The following OR9Q1 variants were observed in gnomAD, a reference collection of about 807,000 sequenced individuals.
The protein encoded by OR9Q1 is olfactory receptor 9Q1.
For missense variants in OR9Q1, 374 were observed against 378.8 expected (o/e 0.99, Z 0.11); for synonymous variants, 153 against 148.6 (o/e 1.03, Z -0.22).
intron 2 of OR9Q1, among the ~76,000 whole-genome samples, chr11:58,116,569 C>T (rs1038606729): frequency 7.9e-5 from 12 of 152,304 alleles, no homozygotes; most frequent in African/African-American, 2.9e-4. Flanking sequence ...TGATAAAATT[C>T]TTACGAGAAT....
intron 2 of OR9Q1, chr11:58,119,545 T>C (rs1854004546): frequency 2.6e-6 from 2 of 767,356 alleles, no homozygotes; most frequent in Non-Finnish European, 2.1e-6. Context: ...GTTTTGGTTT[T>C]AATTCTGGGT....
chr11:58,053,369 G>A (rs1340461816), intron 1 of OR9Q1, among the ~76,000 whole-genome samples: 8 of 144,962 alleles, frequency 5.5e-5, no homozygotes, highest in Admixed American at 2.2e-4. Flanking sequence ...AACACCACAT[G>A]TTCTCACTCA....
At chr11:58,169,348 A>G (rs1210012016) in intron 2 of OR9Q1, among the ~76,000 whole-genome samples, 1 of 152,122 alleles carries the variant, frequency 6.6e-6, no homozygotes, top group African/African-American at 2.4e-5. Context: ...AAGCTCAAAT[A>G]AATTTCCTCC....
At chr11:58,027,521 G>C (rs1366833322) in intron 1 of OR9Q1, among the ~76,000 whole-genome samples, 3 of 152,154 alleles carry the variant, frequency 2.0e-5, no homozygotes, top group Non-Finnish European at 2.9e-5. Flanking sequence ...GGCGGAAACT[G>C]CCTGTGGCTC....
chr11:58,131,669 T>TA (rs1215015138), intron 2 of OR9Q1, among the ~76,000 whole-genome samples: 1 of 152,122 alleles, frequency 6.6e-6, no homozygotes, highest in African/African-American at 2.4e-5. Context: ...TCACCAGCGT[T>TA]ACGGCAAGAT....
chr11:58,051,914 A>T (rs1853271563), intron 1 of OR9Q1, among the ~76,000 whole-genome samples: 2 of 540 alleles, frequency 3.7e-3, no homozygotes, highest in African/African-American at 3.9e-3. Context: ...ATCTCACACC[A>T]GTTAGAATGG....
chr11:58,120,566 T>C (rs1398832633), intron 2 of OR9Q1, among the ~76,000 whole-genome samples: 13 of 152,040 alleles, frequency 8.6e-5, no homozygotes, highest in Non-Finnish European at 1.5e-5. Flanking sequence ...CCGAGCAGTA[T>C]ACACTGAACT....
intron 2 of OR9Q1, among the ~76,000 whole-genome samples, chr11:58,112,292 C>CAAAAAAAAAAAAAAAAAAAAAAAAAAAA (rs761960271): frequency 1.2e-4 from 13 of 111,778 alleles, no homozygotes; most frequent in African/African-American, 3.8e-4. Flanking sequence ...GACTTCGTCT[C>CAAAAAAAAAAAAAAAAAAAAAAAAAAAA]AAAGAAAAAA....
chr11:58,088,171 A>G (rs538847177), intron 2 of OR9Q1, among the ~76,000 whole-genome samples: 1 of 152,010 alleles, frequency 6.6e-6, no homozygotes, highest in East Asian at 1.9e-4. Context: ...TGATGGCTGC[A>G]TAGTATTCCA....
In OR9Q1 at chr11:58,123,355, A is replaced by T. The variant is rs370252478; in HGVS notation, c.-14-56076A>T. 3.3e-5 allele frequency among the ~76,000 whole-genome samples: 5 copies of T among 152,196 alleles called. No individual in the cohort carries two copies. The South Asian group carries it at 1.0e-3, about 31-fold the overall frequency. ...GGTTAATTTCAACACCTTTCTCAGT[A>T]TCTACTTCTGAAATTGTTGTAGGTC... is the stretch of plus-strand genomic sequence containing the variant. On this transcript the variant is annotated intron_variant, in intron 2 of 2. Transcript: ENST00000335397.
intron 2 of OR9Q1, among the ~76,000 whole-genome samples, chr11:58,129,490 A>G (rs1854120389): frequency 1.3e-5 from 2 of 152,008 alleles, no homozygotes; most frequent in South Asian, 4.2e-4. Flanking sequence ...CAAACCTGAT[A>G]TTTTTACTGC....
At chr11:58,122,834 A>G (rs947414087) in intron 2 of OR9Q1, among the ~76,000 whole-genome samples, 4 of 152,124 alleles carry the variant, frequency 2.6e-5, no homozygotes, top group East Asian at 1.9e-4. Flanking sequence ...ATTTAGAAAT[A>G]TATGTATATT....
chr11:58,119,345 A>C (rs1157900710), intron 2 of OR9Q1: 1 of 1,613,918 alleles, frequency 6.2e-7, no homozygotes. Flanking sequence ...ACTAGGTAGA[A>C]ACTCAGAAAC....
chr11:58,118,608 T>G (rs1323776427), intron 2 of OR9Q1: 3 of 1,614,034 alleles, frequency 1.9e-6, no homozygotes, highest in East Asian at 4.5e-5. Context: ...GGATGACCAC[T>G]GTATAGAAGA....
At chr11:58,141,444 G>T (rs1285420079) in intron 2 of OR9Q1, among the ~76,000 whole-genome samples, 1 of 152,114 alleles carries the variant, frequency 6.6e-6, no homozygotes, top group Admixed American at 6.5e-5. Context: ...GTTGAATTTT[G>T]TTAAAGGCCT....
At chr11:58,115,133 A>T (rs1056737715) in intron 2 of OR9Q1, among the ~76,000 whole-genome samples, 2 of 152,180 alleles carry the variant, frequency 1.3e-5, no homozygotes, top group Non-Finnish European at 2.9e-5. Flanking sequence ...CTGCTTTGAG[A>T]ATTGAAACTT....
chr11:58,074,454 G>A (rs920903193), intron 2 of OR9Q1, among the ~76,000 whole-genome samples: 1 of 150,690 alleles, frequency 6.6e-6, no homozygotes, highest in Non-Finnish European at 1.5e-5. Context: ...TGATGGAGTT[G>A]TTTTTTTTTC....
At chr11:58,039,299 C>G in intron 1 of OR9Q1, among the ~76,000 whole-genome samples, 1 of 152,188 alleles carries the variant, frequency 6.6e-6, no homozygotes, top group South Asian at 2.1e-4. Context: ...TAAATGGAAT[C>G]TTCTTCATAT....
At chr11:58,129,424 G>T (rs1164487415) in intron 2 of OR9Q1, among the ~76,000 whole-genome samples, 1 of 152,042 alleles carries the variant, frequency 6.6e-6, no homozygotes, top group Non-Finnish European at 1.5e-5. Flanking sequence ...ACCTACATCA[G>T]ATTCTGTAAG....
Sources: gnomAD v4.1 joint callset for allele counts (sites outside exome capture counted in the v4.1 genomes callset) on GRCh38, gnomAD v4.1.1 for gene constraint, MANE v1.5 for transcripts, NCBI Gene and HGNC (gene_info 2026-07-23, HGNC 2026-07-21) for gene names.